Variants in TFCP2L1 observed in about 807,000 individuals in gnomAD.
TFCP2L1 encodes the protein transcription factor CP2-like protein 1.
A neutral mutation model predicts 72.2 loss-of-function variants in TFCP2L1; 12 were observed. The ratio of observed to expected loss-of-function variants is 0.17; its 90% CI spans 0.11 to 0.27. The LOEUF is 0.27. Ranked by LOEUF, TFCP2L1 falls within the 10% of genes least tolerant of loss-of-function variation. TFCP2L1 has a pLI of 1.00. For missense variants in TFCP2L1, 488 were observed against 624.6 expected (o/e 0.78, Z 2.33); for synonymous variants, 260 against 251.0 (o/e 1.04, Z -0.34).
intron 5 of TFCP2L1, 121 bp downstream of exon 5, chr2:121,248,043 C>A: frequency 1.4e-6 from 1 of 712,632 alleles, no homozygotes. Context: ...CAGTTTCCTT[C>A]CCAGTGACAG....
rs373892221 is a variant in TFCP2L1 at position 121,225,329 on chromosome 2, T to G, written c.1393+233A>C. 2.6e-5 allele frequency among the ~76,000 whole-genome samples: 4 copies of G among 152,272 alleles called. No homozygotes were observed. The East Asian group carries it at 7.7e-4, about 29-fold the overall frequency. ...AACCCACAATGCTTCTACTCAACAC[T>G]GAGTTCATAGAAAACAAGTTGCCTG... On this transcript the variant is annotated intron_variant, in intron 14 of 14. Transcript: ENST00000263707.
At position 121,233,516 on chromosome 2, in the gene TFCP2L1, T is replaced by A. The variant is rs559901000; in HGVS notation, c.1198+575A>T. On this transcript the variant is annotated intron_variant, in intron 12 of 14. Coordinates refer to ENST00000263707, the MANE Select transcript of TFCP2L1 (RefSeq NM_014553.3). ...TCTTGGTATATTCCCCAGGCTGGCC[T>A]TGAACTCCTGGGCACAAGCAATCCT... 1.2e-4 allele frequency among the ~76,000 whole-genome samples: 19 copies of A among 152,308 alleles called. No homozygotes were observed. The South Asian group carries it at 3.9e-3, about 32-fold the overall frequency.
chr2:121,235,397 TGGGGGTG>T (rs370662502), intron 10 of TFCP2L1, 86 bp from the exon 11 acceptor site: 17 of 833,538 alleles, frequency 2.0e-5, no homozygotes, highest in African/African-American at 1.6e-4. Context: ...CCCATAGCAC[TGGGGGTG>T]GGGGGTGGGG....
chr2:121,272,913 T>C (rs547855473), intron 2 of TFCP2L1, among the ~76,000 whole-genome samples: 2 of 152,192 alleles, frequency 1.3e-5, no homozygotes, highest in Non-Finnish European at 2.9e-5. Context: ...GGTGGAGTTC[T>C]AGGTCAGATA....
chr2:121,278,279 A>G (rs896859832), intron 2 of TFCP2L1, among the ~76,000 whole-genome samples: 1 of 142,868 alleles, frequency 7.0e-6, no homozygotes, highest in Non-Finnish European at 1.5e-5. Flanking sequence ...CTCATGATCC[A>G]CCCGCCTCGG....
chr2:121,255,698 T>G (rs961340105), intron 2 of TFCP2L1, among the ~76,000 whole-genome samples: 2 of 152,110 alleles, frequency 1.3e-5, no homozygotes, highest in African/African-American at 4.8e-5. Context: ...AGGTCCCATC[T>G]GGCTCCAATA....
Position 121,221,870 on chromosome 2 carries a change from C to T in TFCP2L1, c.*2471G>A, listed in dbSNP as rs904822847. The T allele has an allele frequency of 9.2e-5, 14 of 151,998 alleles. No individual in the cohort carries two copies. Among genetic ancestry groups the T allele is most frequent in the South Asian group, 2.1e-4 (1 of 4,806 alleles). 9.4% of individuals were successfully genotyped at this position (151,998 alleles called of 1,614,324 possible). On this transcript the variant is annotated 3_prime_UTR_variant, in exon 15 of 15. Coordinates refer to ENST00000263707, the MANE Select transcript of TFCP2L1 (RefSeq NM_014553.3). Reference sequence around the variant, plus strand: ...AGTCATATACCTGATAAAAGACTGGCGTCTAGAATATACAAATAGCTCACC... The same window carrying T: ...AGTCATATACCTGATAAAAGACTGGTGTCTAGAATATACAAATAGCTCACC...
At chr2:121,281,937 G>A (rs1687271254) in intron 1 of TFCP2L1, among the ~76,000 whole-genome samples, 1 of 146,890 alleles carries the variant, frequency 6.8e-6, no homozygotes, top group African/African-American at 2.5e-5. Flanking sequence ...TTTTTTTTGG[G>A]CGGGGGCGGG....
chr2:121,277,089 T>C (rs1247781873), intron 2 of TFCP2L1, among the ~76,000 whole-genome samples: 1 of 152,176 alleles, frequency 6.6e-6, no homozygotes, highest in East Asian at 1.9e-4. Flanking sequence ...AGTATGCCCT[T>C]ATCCATAAAA....
chr2:121,280,623 T>C (rs1687236309), intron 2 of TFCP2L1, among the ~76,000 whole-genome samples: 1 of 151,792 alleles, frequency 6.6e-6, no homozygotes, highest in African/African-American at 2.4e-5. Flanking sequence ...TAGCCGGGCA[T>C]GGCGGTCTAC....
Position 121,248,276 on chromosome 2 carries a change from TACAC to T in TFCP2L1, c.398-10_398-7del. 1.2e-6 allele frequency: 2 copies of T among 1,605,580 alleles called. No individual in the cohort carries two copies. Among genetic ancestry groups the T allele is most frequent in the Non-Finnish European group, 1.7e-6 (2 of 1,173,442 alleles). On this transcript the variant is annotated splice_polypyrimidine_tract_variant and splice_region_variant and intron_variant, in intron 4 of 14. Coordinates refer to ENST00000263707, the MANE Select transcript of TFCP2L1 (RefSeq NM_014553.3). ...ACCAACAGACAGTGGAATATCTGCA[TACAC>T]ACACACACATACAGAAAGTGCAATT... is the stretch of plus-strand genomic sequence containing the variant.
intron 12 of TFCP2L1, among the ~76,000 whole-genome samples, chr2:121,233,488 TG>T (rs1251049298): frequency 1.3e-5 from 2 of 152,164 alleles, no homozygotes; most frequent in Non-Finnish European, 2.9e-5. Flanking sequence ...TTTAGAGATT[TG>T]GTCTTGGTAT....
Position 121,231,935 on chromosome 2 carries a change from G to A in TFCP2L1, c.1232C>T (p.Thr411Ile). 6.2e-7 allele frequency: 1 copy of A among 1,610,870 alleles called. No individual in the cohort carries two copies. Among genetic ancestry groups the A allele is most frequent in the Non-Finnish European group, 8.5e-7 (1 of 1,177,992 alleles). The change falls in exon 13 of 15, where the codon ACC becomes ATC. Residue 411 changes from threonine to isoleucine, a missense_variant. Physicochemically the swap from Thr to Ile is moderately conservative, Grantham distance 89 (BLOSUM62 -1). Coordinates refer to ENST00000263707, the MANE Select transcript of TFCP2L1 (RefSeq NM_014553.3). ...GGCGATCTTCTCAATCAGCTCCAAG[G>A]TGGTCAGCTCTTCCAGGAAGATGGC... ...YHAIFLEELT[T>I]LELIEKIANL... is the part of the protein sequence containing the mutation.
chr2:121,282,813 G>A (rs1357896812), intron 1 of TFCP2L1, among the ~76,000 whole-genome samples: 2 of 152,074 alleles, frequency 1.3e-5, no homozygotes, highest in Non-Finnish European at 2.9e-5. Flanking sequence ...ATAAACAAGC[G>A]TCTCTACAAC....
chr2:121,284,779 C>T (rs951949259), intron 1 of TFCP2L1, among the ~76,000 whole-genome samples: 52 of 152,158 alleles, frequency 3.4e-4, no homozygotes, highest in African/African-American at 1.2e-3. Context: ...CGCCCTGCAC[C>T]CTCTCTGCCG....
rs975189053 is a variant in TFCP2L1 at position 121,281,013 on chromosome 2, G to A, written c.214+107C>T. On this transcript the variant is annotated intron_variant, in intron 2 of 14. Coordinates refer to ENST00000263707, the MANE Select transcript of TFCP2L1 (RefSeq NM_014553.3). ...TGTTCTCTTTCCCGAGCCCGACCTC[G>A]CCCGACCTCACCCACCGTAACAAAG... 1.9e-5 allele frequency: 28 copies of A among 1,474,506 alleles called. No individual in the cohort carries two copies. The East Asian group carries it at 3.9e-4, about 21-fold the overall frequency. 91.3% of individuals were successfully genotyped at this position (1,474,506 alleles called of 1,614,324 possible).
intron 2 of TFCP2L1, among the ~76,000 whole-genome samples, chr2:121,254,781 GGAGA>G (rs1686682739): frequency 6.6e-6 from 1 of 151,850 alleles, no homozygotes; most frequent in East Asian, 1.9e-4. Context: ...CCAGCCTGGG[GGAGA>G]GAGCGAGACT....
At chr2:121,235,821 G>A (rs1003577406) in intron 10 of TFCP2L1, among the ~76,000 whole-genome samples, 1 of 151,800 alleles carries the variant, frequency 6.6e-6, no homozygotes, top group Non-Finnish European at 1.5e-5. Flanking sequence ...TATACAGCTC[G>A]CTGGATGCTG....
intron 2 of TFCP2L1, among the ~76,000 whole-genome samples, chr2:121,271,105 G>A (rs1314994539): frequency 1.3e-5 from 2 of 151,128 alleles, no homozygotes; most frequent in East Asian, 1.9e-4. Flanking sequence ...CAGGAGAATC[G>A]CTTGAACCTG....
Sources: gnomAD v4.1 joint callset for allele counts (sites outside exome capture counted in the v4.1 genomes callset) on GRCh38, gnomAD v4.1.1 for gene constraint, MANE v1.5 for transcripts, NCBI Gene and HGNC (gene_info 2026-07-23, HGNC 2026-07-21) for gene names.